The following C1orf21 variants were observed in gnomAD, a reference collection of about 807,000 sequenced individuals.
C1orf21 encodes chromosome 1 open reading frame 21, also known as uncharacterized protein C1orf21.
Under a neutral mutation model 18.7 loss-of-function variants are expected in C1orf21, and 3 were observed. That is an observed-to-expected ratio of 0.16 (90% CI 0.07 to 0.42). The LOEUF (loss-of-function observed/expected upper bound fraction) is 0.42. Ranked by LOEUF, C1orf21 falls within the 10% of genes least tolerant of loss-of-function variation. C1orf21 has a pLI of 0.99. For missense variants in C1orf21, 104 were observed against 143.6 expected, an observed-to-expected ratio of 0.72 and a Z score of 1.41; for synonymous variants, 41 against 46.4, an observed-to-expected ratio of 0.88 and a Z score of 0.47.
At chr1:184,530,487 T>C (rs570154890) in intron 3 of C1orf21, among the ~76,000 whole-genome samples, 1 of 152,328 alleles carries the variant, frequency 6.6e-6, no homozygotes, top group East Asian at 1.9e-4. Flanking sequence ...ATAACTTTAC[T>C]CTATTTTAAT....
intron 3 of C1orf21, among the ~76,000 whole-genome samples, chr1:184,553,394 C>A (rs1407297988): frequency 1.3e-5 from 2 of 152,058 alleles, no homozygotes; most frequent in Non-Finnish European, 2.9e-5. Context: ...TCTTTTTAAC[C>A]TACAAAAGTG....
chr1:184,528,359 T>C (rs1658408573), intron 3 of C1orf21, among the ~76,000 whole-genome samples: 1 of 152,246 alleles, frequency 6.6e-6, no homozygotes. Flanking sequence ...GTGCAAGTAA[T>C]AGTTTTTCCA....
chr1:184,546,597 A>G (rs547299760), intron 3 of C1orf21, among the ~76,000 whole-genome samples: 2 of 152,334 alleles, frequency 1.3e-5, no homozygotes, highest in African/African-American at 4.8e-5. Flanking sequence ...ATCAATGACT[A>G]CAGACCACAG....
At chr1:184,416,524 A>G (rs1002051539) in intron 1 of C1orf21, among the ~76,000 whole-genome samples, 1 of 152,176 alleles carries the variant, frequency 6.6e-6, no homozygotes. Flanking sequence ...TAAAATTAAA[A>G]AAAAGCAAAA....
chr1:184,392,273 G>GA (rs1459001992), intron 1 of C1orf21, among the ~76,000 whole-genome samples: 1 of 152,186 alleles, frequency 6.6e-6, no homozygotes, highest in Non-Finnish European at 1.5e-5. Context: ...AATGTGCCTG[G>GA]ATCAAGGAGT....
At chr1:184,494,629 A>G (rs1156509693) in intron 2 of C1orf21, among the ~76,000 whole-genome samples, 2 of 152,192 alleles carry the variant, frequency 1.3e-5, no homozygotes, top group Non-Finnish European at 2.9e-5. Context: ...TGTTAAGGGC[A>G]GCAGTGGGAG....
intron 3 of C1orf21, among the ~76,000 whole-genome samples, chr1:184,521,482 T>C (rs913992130): frequency 1.3e-5 from 2 of 152,014 alleles, no homozygotes; most frequent in African/African-American, 4.8e-5. Flanking sequence ...GAAAAAAACA[T>C]GGATAAGTGC....
At chr1:184,538,240 G>A (rs1193899758) in intron 3 of C1orf21, among the ~76,000 whole-genome samples, 1 of 152,100 alleles carries the variant, frequency 6.6e-6, no homozygotes, top group African/African-American at 2.4e-5. Context: ...CTTTTCATGT[G>A]CTTATTAGCC....
At chr1:184,472,544 G>A (rs1657510045) in intron 1 of C1orf21, among the ~76,000 whole-genome samples, 1 of 152,074 alleles carries the variant, frequency 6.6e-6, no homozygotes, top group African/African-American at 2.4e-5. Flanking sequence ...ATAATGTTAT[G>A]TAAATAGAAA....
At chr1:184,439,857 G>A (rs1158098307) in intron 1 of C1orf21, among the ~76,000 whole-genome samples, 1 of 152,170 alleles carries the variant, frequency 6.6e-6, no homozygotes, top group Non-Finnish European at 1.5e-5. Context: ...ATGGTCAAAA[G>A]AAAGATGGTA....
intron 3 of C1orf21, among the ~76,000 whole-genome samples, chr1:184,535,510 TGAA>T (rs1263412358): frequency 6.6e-6 from 1 of 152,226 alleles, no homozygotes; most frequent in Non-Finnish European, 1.5e-5. Context: ...ATCAGCTACA[TGAA>T]GTACGTCAAA....
intron 3 of C1orf21, among the ~76,000 whole-genome samples, chr1:184,556,867 T>A (rs1658886042): frequency 6.6e-6 from 1 of 152,232 alleles, no homozygotes; most frequent in Admixed American, 6.5e-5. Context: ...AACCCTTTTC[T>A]ATTTTTTGTC....
chr1:184,517,626 G>A (rs1404430648), intron 3 of C1orf21, among the ~76,000 whole-genome samples: 1 of 152,168 alleles, frequency 6.6e-6, no homozygotes, highest in African/African-American at 2.4e-5. Context: ...GATTGGATTT[G>A]AGCACAGGCT....
intron 1 of C1orf21, among the ~76,000 whole-genome samples, chr1:184,449,147 C>T (rs552624571): frequency 1.3e-5 from 2 of 151,742 alleles, no homozygotes; most frequent in Non-Finnish European, 2.9e-5. Context: ...TGTGCTGCAC[C>T]CATTAACTCG....
chr1:184,515,541 G>C (rs1658212215), intron 3 of C1orf21, among the ~76,000 whole-genome samples: 1 of 152,164 alleles, frequency 6.6e-6, no homozygotes, highest in Admixed American at 6.5e-5. Context: ...TATTACCCCA[G>C]ACTTGGCAGT....
At chr1:184,509,019 G>T (rs951232998) in intron 3 of C1orf21, among the ~76,000 whole-genome samples, 3 of 152,148 alleles carry the variant, frequency 2.0e-5, no homozygotes, top group Admixed American at 6.6e-5. Flanking sequence ...GTACTTGCTT[G>T]ATATAGTTTC....
At chr1:184,556,854 GA>G (rs1368479401) in intron 3 of C1orf21, among the ~76,000 whole-genome samples, 2 of 152,204 alleles carry the variant, frequency 1.3e-5, no homozygotes, top group African/African-American at 4.8e-5. Flanking sequence ...TCTTGGCTTA[GA>G]AAACCCTTTT....
intron 1 of C1orf21, among the ~76,000 whole-genome samples, chr1:184,465,934 G>A (rs574402994): frequency 2.0e-5 from 3 of 152,254 alleles, no homozygotes; most frequent in African/African-American, 4.8e-5. Flanking sequence ...GCATCTTGAC[G>A]CTGCACTGCC....
chr1:184,410,642 TATATATA>T (rs1656327147), intron 1 of C1orf21, among the ~76,000 whole-genome samples: 1 of 5,380 alleles, frequency 1.9e-4, no homozygotes, highest in Non-Finnish European at 3.0e-4. Context: ...TATATATATA[TATATATA>T]TATATATATA....
Sources: allele counts gnomAD v4.1 joint callset (sites outside exome capture counted in the v4.1 genomes callset), GRCh38; gene constraint gnomAD v4.1.1; transcripts MANE v1.5; gene names NCBI Gene and HGNC (gene_info 2026-07-23, HGNC 2026-07-21).